The following CHRDL1 variants were observed in gnomAD, a reference collection of about 807,000 sequenced individuals.
The protein encoded by CHRDL1 is chordin like 1.
In CHRDL1, 19 loss-of-function variants were observed where a neutral mutation model predicts 40.9. That is an observed-to-expected ratio of 0.46 (90% CI 0.32 to 0.68). The LOEUF is 0.68. Ranked by LOEUF, CHRDL1 falls within the 30% of genes least tolerant of loss-of-function variation. CHRDL1 has a pLI of 0.03. For synonymous variants in CHRDL1, 136 were observed against 123.4 expected, an observed-to-expected ratio of 1.10 and a Z score of -0.68; for missense variants, 329 against 352.1, an observed-to-expected ratio of 0.93 and a Z score of 0.53.
chrX:110,733,170 AT>A (rs1369444557), intron 4 of CHRDL1, among the ~76,000 whole-genome samples: 13 of 111,880 alleles, frequency 1.2e-4, no homozygotes, highest in Middle Eastern at 4.6e-3. Flanking sequence ...TCAGCTTGTG[AT>A]GTGCTGCCTT....
At chrX:110,780,061 A>T (rs753861909) in intron 2 of CHRDL1, among the ~76,000 whole-genome samples, 1 of 111,766 alleles carries the variant, frequency 8.9e-6, no homozygotes, top group South Asian at 3.7e-4. Flanking sequence ...TATTAGTAAC[A>T]GGAGTGTGTT....
At chrX:110,738,607 T>TGGC (rs1320979112) in intron 4 of CHRDL1, among the ~76,000 whole-genome samples, 3 of 109,258 alleles carry the variant, frequency 2.7e-5, no homozygotes, top group Non-Finnish European at 5.7e-5. Context: ...CTCGGCGTGG[T>TGGC]GGCGGGCGCC....
At chrX:110,720,833 C>T (rs913826491) in intron 5 of CHRDL1, among the ~76,000 whole-genome samples, 3 of 111,460 alleles carry the variant, frequency 2.7e-5, no homozygotes, top group African/African-American at 9.8e-5. Flanking sequence ...AATTAGTATA[C>T]GTTGTTTGTA....
At chrX:110,761,418 G>A (rs1262440039) in intron 3 of CHRDL1, among the ~76,000 whole-genome samples, 5 of 111,874 alleles carry the variant, frequency 4.5e-5, no homozygotes, top group African/African-American at 1.6e-4. Flanking sequence ...CTGGGCATGA[G>A]GGAAGAGGTG....
intron 2 of CHRDL1, among the ~76,000 whole-genome samples, chrX:110,763,491 T>C (rs1398859056): frequency 2.8e-5 from 3 of 108,677 alleles, no homozygotes; most frequent in African/African-American, 6.7e-5. Flanking sequence ...TTCATATATA[T>C]ACACACACAC....
chrX:110,754,872 C>T (rs1281879084), intron 4 of CHRDL1, among the ~76,000 whole-genome samples: 2 of 110,197 alleles, frequency 1.8e-5, no homozygotes, highest in African/African-American at 6.6e-5. Flanking sequence ...TTAAAAAGCC[C>T]TCTTAGATAA....
Position 110,689,622 on chromosome X carries a change from C to CTATATATCTA in CHRDL1, c.779-829_779-820dup, listed in dbSNP as rs2070153017. Among the ~76,000 whole-genome samples the CTATATATCTA allele has an allele frequency of 3.6e-4, 7 of 19,278 alleles. No individual in the cohort carries two copies. In the East Asian group the frequency reaches 3.7e-3, roughly 10 times the overall value. The allele number at this position is 19,278 out of a possible 115,157, so 16.7% of individuals were successfully genotyped here. On this transcript the variant is annotated intron_variant, in intron 8 of 11. Transcript: ENST00000372042. Reference sequence around the variant, plus strand: ...TATATATATCTATATATCTATATATCTATATATCTATATATCTATATATAT... The same window carrying CTATATATCTA: ...TATATATATCTATATATCTATATATCTATATATCTATATATATCTATATATCTATATATAT...
intron 3 of CHRDL1, among the ~76,000 whole-genome samples, 187 bp from the exon 4 acceptor site, chrX:110,759,941 T>C (rs746741635): frequency 9.0e-6 from 1 of 111,543 alleles, no homozygotes; most frequent in Non-Finnish European, 1.9e-5. Context: ...TGGTTGATAG[T>C]TTATTGGCAT....
chrX:110,736,101 A>C (rs2148482040), intron 4 of CHRDL1, among the ~76,000 whole-genome samples: 1 of 112,683 alleles, frequency 8.9e-6, no homozygotes, highest in African/African-American at 3.2e-5. Flanking sequence ...CTGCTGGAGC[A>C]GTGGGAACGC....
chrX:110,676,850 C>T (rs1569457529), intron 11 of CHRDL1, among the ~76,000 whole-genome samples: 1 of 110,861 alleles, frequency 9.0e-6, no homozygotes, highest in South Asian at 3.9e-4. Flanking sequence ...TCACTCTTTC[C>T]TCTATTCCTG....
At chrX:110,706,273 A>G (rs751797785) in intron 6 of CHRDL1, among the ~76,000 whole-genome samples, 82 of 112,294 alleles carry the variant, frequency 7.3e-4, no homozygotes, top group Non-Finnish European at 1.2e-3. Flanking sequence ...CAAAAAACAG[A>G]GATTCTAATG....
At chrX:110,789,500 A>G (rs2090066259) in intron 2 of CHRDL1, among the ~76,000 whole-genome samples, 1 of 112,304 alleles carries the variant, frequency 8.9e-6, no homozygotes, top group Non-Finnish European at 1.9e-5. Flanking sequence ...AACAACCTCA[A>G]TATCTACAAA....
At chrX:110,701,532 C>G (rs57860947) in intron 6 of CHRDL1, among the ~76,000 whole-genome samples, 4,500 of 111,782 alleles carry the variant, frequency 0.04, 216 homozygotes, top group African/African-American at 0.14. Context: ...AAGAGTAACA[C>G]GCCGGGTGCA....
Position 110,739,788 on chromosome X carries a change from C to T in CHRDL1, c.302-18258G>A, listed in dbSNP as rs189237599. Reference sequence around the variant, plus strand: ...CATTAATATCACCTATACTTTCTACCTTTCACATTCCATATTCCTCTTCCC... The same window carrying T: ...CATTAATATCACCTATACTTTCTACTTTTCACATTCCATATTCCTCTTCCC... On this transcript the variant is annotated intron_variant, in intron 4 of 11. Transcript: ENST00000372042. 3.6e-3 allele frequency among the ~76,000 whole-genome samples: 410 copies of T among 112,800 alleles called. 2 individuals are homozygous for T. Among genetic ancestry groups the T allele is most frequent in the African/African-American group, 0.013 (390 of 31,063 alleles).
rs1286041114 is a variant in CHRDL1 at position 110,761,240 on chromosome X, A to T, written c.207+1455T>A. Among the ~76,000 whole-genome samples, 4 of 111,969 alleles carry T rather than the reference A, an allele frequency of 3.6e-5. No homozygotes were observed. The Admixed American group carries it at 3.8e-4, about 11-fold the overall frequency. ...TTGTCCAGTGGCTCATAAGTGGCAG[A>T]GGCAGGGCTGGAAACTTGGTCTGTC... On this transcript the variant is annotated intron_variant, in intron 3 of 11. Transcript: ENST00000372042.
chrX:110,732,049 C>T (rs1165606931), intron 4 of CHRDL1, among the ~76,000 whole-genome samples: 1 of 108,969 alleles, frequency 9.2e-6, no homozygotes, highest in Non-Finnish European at 1.9e-5. Context: ...AACACAAAGA[C>T]TGGGTATCAG....
At position 110,689,526 on chromosome X, in the gene CHRDL1, A is replaced by ATATATCTCTATATC. The variant is rs1569461702; in HGVS notation, c.779-724_779-723insGATATAGAGATATA. Among the ~76,000 whole-genome samples the ATATATCTCTATATC allele has an allele frequency of 2.9e-3, 146 of 50,066 alleles. 17 individuals are homozygous for ATATATCTCTATATC. Among genetic ancestry groups the ATATATCTCTATATC allele is most frequent in the East Asian group, 4.5e-3 (13 of 2,887 alleles). The allele number at this position is 50,066 out of a possible 115,157, so 43.5% of individuals were successfully genotyped here. A position where few individuals can be genotyped will look rare whatever the true frequency, so the allele number is the denominator to read the frequency against. On this transcript the variant is annotated intron_variant, in intron 8 of 11. Coordinates refer to ENST00000372042, the MANE Select transcript of CHRDL1 (RefSeq NM_001143981.2). ...TATATATCTATATCTCTATATATCT[A>ATATATCTCTATATC]TCTATATATCTCTATATCTCTATAT...
chrX:110,712,296 G>A (rs771422655), intron 6 of CHRDL1, among the ~76,000 whole-genome samples: 65 of 111,598 alleles, frequency 5.8e-4, no homozygotes, highest in African/African-American at 2.0e-3. Flanking sequence ...AGTAGGATGC[G>A]AATAGGTAGA....
At chrX:110,709,134 T>C (rs920830821) in intron 6 of CHRDL1, among the ~76,000 whole-genome samples, 1 of 112,573 alleles carries the variant, frequency 8.9e-6, no homozygotes, top group Non-Finnish European at 1.9e-5. Context: ...GAGACAATAA[T>C]GCCTACCTTA....
Sources: gnomAD v4.1 joint callset for allele counts (sites outside exome capture counted in the v4.1 genomes callset) on GRCh38, gnomAD v4.1.1 for gene constraint, MANE v1.5 for transcripts, NCBI Gene and HGNC (gene_info 2026-07-23, HGNC 2026-07-21) for gene names.